The following RBBP8 variants were observed in gnomAD, a reference collection of about 807,000 sequenced individuals.
The protein encoded by RBBP8 is DNA endonuclease RBBP8.
RBBP8 carries 88 observed loss-of-function variants against 108.3 expected under a neutral mutation model. That is an observed-to-expected ratio of 0.81 (90% CI 0.68 to 0.97). RBBP8 has a LOEUF of 0.97. Ranked by LOEUF, RBBP8 falls within the 50% of genes least tolerant of loss-of-function variation. The pLI is 0.00. For missense variants in RBBP8, 1,023 were observed against 1,049.0 expected, an observed-to-expected ratio of 0.98 and a Z score of 0.34; for synonymous variants, 332 against 348.2, an observed-to-expected ratio of 0.95 and a Z score of 0.52.
intron 4 of RBBP8, among the ~76,000 whole-genome samples, chr18:22,964,043 A>C (rs1225631595): frequency 1.3e-5 from 2 of 152,186 alleles, no homozygotes; most frequent in South Asian, 4.1e-4. Flanking sequence ...CAGAATTCCA[A>C]GTCACTTCTT....
At chr18:22,998,682 A>G (rs1056222398) in intron 14 of RBBP8, among the ~76,000 whole-genome samples, 4 of 152,352 alleles carry the variant, frequency 2.6e-5, no homozygotes, top group East Asian at 3.9e-4. Context: ...TGAATTTTCT[A>G]TAGTCTACCT....
At chr18:23,020,544 C>A (rs2046331943) in intron 17 of RBBP8, among the ~76,000 whole-genome samples, 1 of 152,066 alleles carries the variant, frequency 6.6e-6, no homozygotes, top group Non-Finnish European at 1.5e-5. Flanking sequence ...TTTTACTTTT[C>A]ATTCTTGTCT....
intron 3 of RBBP8, among the ~76,000 whole-genome samples, chr18:22,922,836 T>A (rs1047014350): frequency 6.6e-6 from 1 of 152,210 alleles, no homozygotes; most frequent in African/African-American, 2.4e-5. Context: ...TATATAATTT[T>A]GCCATTGGGT....
intron 3 of RBBP8, among the ~76,000 whole-genome samples, chr18:22,923,345 C>A (rs1909670345): frequency 6.6e-6 from 1 of 152,164 alleles, no homozygotes; most frequent in African/African-American, 2.4e-5. Flanking sequence ...TCAACTTATA[C>A]AAATACATTA....
chr18:23,002,126 C>T (rs2045959542), intron 15 of RBBP8, among the ~76,000 whole-genome samples: 1 of 152,138 alleles, frequency 6.6e-6, no homozygotes, highest in Non-Finnish European at 1.5e-5. Context: ...GTACAACATT[C>T]AGATCCAGCC....
At chr18:22,928,101 T>C (rs1183290391) in intron 3 of RBBP8, among the ~76,000 whole-genome samples, 1 of 151,240 alleles carries the variant, frequency 6.6e-6, no homozygotes, top group African/African-American at 2.4e-5. Context: ...CTCGGGAGAC[T>C]GAGGCATGAG....
chr18:23,005,517 A>T (rs1253678305), intron 15 of RBBP8, among the ~76,000 whole-genome samples: 1 of 152,004 alleles, frequency 6.6e-6, no homozygotes, highest in Non-Finnish European at 1.5e-5. Context: ...GGTTCAAGAG[A>T]TTCTCCTGCC....
At chr18:22,928,507 G>C (rs1909876251), upstream of RBBP8, among the ~76,000 whole-genome samples, 1 of 152,050 alleles carries the variant, frequency 6.6e-6, no homozygotes, top group Admixed American at 6.6e-5. Context: ...GAAAAACATT[G>C]TATGAGCCAA....
chr18:22,943,647 G>A (rs901715694), intron 2 of RBBP8, among the ~76,000 whole-genome samples: 3 of 151,986 alleles, frequency 2.0e-5, no homozygotes, highest in Non-Finnish European at 2.9e-5. Context: ...TAGTAGTTTT[G>A]GTTGAAGTTT....
chr18:22,994,408 CG>C lies in RBBP8; in HGVS notation c.1939+562del, dbSNP rs1567986370. On this transcript the variant is annotated intron_variant, in intron 12 of 18. Coordinates refer to ENST00000327155, the MANE Select transcript of RBBP8 (RefSeq NM_002894.3). Reference sequence around the variant, plus strand: ...CTGTAATCCCAGCACTTTGGGAGGCCGACGCTGGTGGATCACGATGTCAGGA... The same window carrying C: ...CTGTAATCCCAGCACTTTGGGAGGCCACGCTGGTGGATCACGATGTCAGGA... Among the ~76,000 whole-genome samples the C allele has an allele frequency of 2.2e-3, 323 of 148,118 alleles. 2 individuals are homozygous for C. The highest frequency in any genetic ancestry group is 7.1e-3 in the African/African-American group (290 of 40,840).
In RBBP8 at chr18:22,982,394, G is replaced by C; in HGVS notation, c.604+1G>C. The C allele has an allele frequency of 1.2e-6, 2 of 1,613,862 alleles. No individual in the cohort carries two copies. The highest frequency in any genetic ancestry group is 1.7e-6 in the Non-Finnish European group (2 of 1,179,950). On this transcript the variant is annotated splice_donor_variant, in intron 7 of 18. Transcript: ENST00000327155. LOFTEE classifies it high-confidence loss of function. ...TTGGAGCACTCTGTGTGTGCAAATG[G>C]TAAGAGTTGGAGTTGTATTTTAGTT...
intron 16 of RBBP8, 150 bp downstream of exon 16, chr18:23,006,582 A>C (rs2144769158): frequency 2.9e-6 from 2 of 692,504 alleles, no homozygotes; most frequent in East Asian, 5.6e-5. Context: ...GCTCACTGCA[A>C]CCTCTGCCTC....
At chr18:22,954,783 G>T (rs933188834) in intron 4 of RBBP8, among the ~76,000 whole-genome samples, 28 of 152,118 alleles carry the variant, frequency 1.8e-4, no homozygotes, top group African/African-American at 6.8e-4. Context: ...CATGGCGAAG[G>T]GGGAGTAAAC....
At chr18:22,973,572 T>A (rs1228649484) in intron 5 of RBBP8, among the ~76,000 whole-genome samples, 1 of 152,224 alleles carries the variant, frequency 6.6e-6, no homozygotes, top group Non-Finnish European at 1.5e-5. Flanking sequence ...ACTTTTTGTC[T>A]TGTCAATACT....
chr18:22,987,747 C>T (rs1176276620), intron 8 of RBBP8, among the ~76,000 whole-genome samples: 1 of 152,202 alleles, frequency 6.6e-6, no homozygotes. Context: ...AACCACTGTA[C>T]CCGGCTTCAC....
At chr18:22,944,432 A>C (rs1911374964) in intron 2 of RBBP8, among the ~76,000 whole-genome samples, 1 of 152,176 alleles carries the variant, frequency 6.6e-6, no homozygotes, top group Non-Finnish European at 1.5e-5. Flanking sequence ...TGATTGTTAG[A>C]AGTCAGCCAA....
At position 22,926,117 on chromosome 18, in the gene RBBP8, C is replaced by A. The variant is rs533411630; in HGVS notation, c.-153-3266C>A. Among the ~76,000 whole-genome samples the A allele has an allele frequency of 1.6e-4, 24 of 152,272 alleles. No homozygotes were observed. The South Asian group carries it at 5.0e-3, about 32-fold the overall frequency. On this transcript the variant is annotated intron_variant, in intron 3 of 4. Coordinates refer to the RBBP8 transcript ENST00000577588. ...GATGACATGGAAGAAACAGGTGTCC[C>A]TTTCCATTCATAAGAAATCATTTTG... is the stretch of plus-strand genomic sequence containing the variant.
intron 3 of RBBP8, among the ~76,000 whole-genome samples, chr18:22,922,483 G>A (rs988500315): frequency 6.6e-6 from 1 of 152,026 alleles, no homozygotes; most frequent in Non-Finnish European, 1.5e-5. Flanking sequence ...ATTTTTTTGA[G>A]ACAGGGTCTC....
chr18:22,951,510 A>G (rs1392770480), intron 4 of RBBP8, among the ~76,000 whole-genome samples: 2 of 152,248 alleles, frequency 1.3e-5, no homozygotes, highest in African/African-American at 2.4e-5. Context: ...CTCGTACAAC[A>G]TGCTTCAGAC....
Sources: allele counts gnomAD v4.1 joint callset (sites outside exome capture counted in the v4.1 genomes callset), GRCh38; gene constraint gnomAD v4.1.1; transcripts MANE v1.5; gene names NCBI Gene and HGNC (gene_info 2026-07-23, HGNC 2026-07-21).